Variants in PLCH2 observed in about 807,000 individuals in gnomAD.
PLCH2 encodes phospholipase C eta 2, also known as 1-phosphatidylinositol 4,5-bisphosphate phosphodiesterase eta-2.
In PLCH2, 98 loss-of-function variants were observed where a neutral mutation model predicts 134.7. The ratio of observed to expected loss-of-function variants is 0.73; its 90% CI spans 0.62 to 0.86. The LOEUF (loss-of-function observed/expected upper bound fraction) is 0.86, where lower values mean the gene tolerates loss of function less well. PLCH2 is among the 40% of genes least tolerant of loss of function. PLCH2 has a pLI of 0.00. For missense variants in PLCH2, 1,994 were observed against 1,986.6 expected, an observed-to-expected ratio of 1.00 and a Z score of -0.07; for synonymous variants, 974 against 827.5, an observed-to-expected ratio of 1.18 and a Z score of -3.04.
chr1:2,447,631 G>C (rs568439462), intron 2 of PLCH2, among the ~76,000 whole-genome samples: 2 of 152,190 alleles, frequency 1.3e-5, no homozygotes, highest in East Asian at 3.8e-4. Flanking sequence ...GAAAGGCTTG[G>C]GGGTGGGGGC....
chr1:2,481,139 G>A lies in PLCH2; in HGVS notation c.645+827G>A, dbSNP rs552766605. ...ATGCTCACAGCCTGACAGCTCCGCC[G>A]TGTCCAGCCCCTGCCAGCTCCTGCC... On this transcript the variant is annotated intron_variant, in intron 4 of 21. Transcript: ENST00000378486. Among the ~76,000 whole-genome samples, 126 of 152,014 alleles carry A rather than the reference G, an allele frequency of 8.3e-4. 1 individual carries two copies. The highest frequency in any genetic ancestry group is 2.8e-3 in the African/African-American group (116 of 41,284).
In PLCH2 at chr1:2,499,139, C is replaced by T. The variant is rs368757892; in HGVS notation, c.2490C>T (p.Ile830=). ...TLVFMVHMPE[I]ALVRFLVWDH... is the part of the protein sequence containing the mutation. ...TTTTCATGGTGCACATGCCGGAGAT[C>T]GCGCTGGTCCGCTTCCTCGTCTGGG... Residue 830 remains isoleucine, a synonymous_variant, in exon 19 of 22, where the codon ATC becomes ATT. Transcript: ENST00000378486. 22 of 1,612,842 alleles carry T rather than the reference C, an allele frequency of 1.4e-5. No homozygotes were observed. Among genetic ancestry groups the T allele is most frequent in the Middle Eastern group, 1.6e-4 (1 of 6,078 alleles).
chr1:2,504,208 C>T lies in PLCH2; in HGVS notation c.3246C>T (p.Pro1082=). ...PGSQTDGRSQ[P]RTLGHLPVIR... ...GCCAGACGGACGGCAGGAGCCAGCCCCGGACCCTGGGCCACCTGCCCGTGA... is the reference window on the plus strand; with the variant it reads ...GCCAGACGGACGGCAGGAGCCAGCCTCGGACCCTGGGCCACCTGCCCGTGA... The change falls in exon 22 of 22, where the codon CCC becomes CCT. Residue 1082 remains proline, a synonymous_variant. Coordinates refer to ENST00000378486, the MANE Select transcript of PLCH2 (RefSeq NM_014638.4). 1 of 1,557,370 alleles carries T rather than the reference C, an allele frequency of 6.4e-7. No individual in the cohort carries two copies. The highest frequency in any genetic ancestry group is 8.7e-7 in the Non-Finnish European group (1 of 1,151,958).
intron 20 of PLCH2, chr1:2,500,860 C>A (rs1378616807): frequency 3.9e-4 from 18 of 45,658 alleles, no homozygotes; most frequent in Admixed American, 1.1e-3. Context: ...CCTCAGTCCT[C>A]CCTCCCCTCC....
chr1:2,479,696 C>T (rs1641845797), intron 2 of PLCH2, 38 bp from the exon 3 acceptor site: 6 of 1,512,466 alleles, frequency 4.0e-6, no homozygotes, highest in Middle Eastern at 4.3e-4. Flanking sequence ...ACGCTGGGCC[C>T]CCGGGGACCT....
chr1:2,492,060 T>C (rs1307916041), intron 11 of PLCH2, among the ~76,000 whole-genome samples: 1 of 152,214 alleles, frequency 6.6e-6, no homozygotes, highest in African/African-American at 2.4e-5. Flanking sequence ...GGTCTCCTGG[T>C]GCCTGGAGAG....
At chr1:2,447,211 C>T (rs769077432) in intron 2 of PLCH2, among the ~76,000 whole-genome samples, 1 of 152,208 alleles carries the variant, frequency 6.6e-6, no homozygotes, top group Non-Finnish European at 1.5e-5. Flanking sequence ...AAACGAGCAA[C>T]CTGAGGGGCT....
At position 2,498,631 on chromosome 1, in the gene PLCH2, TG is replaced by T; in HGVS notation, c.2338del (p.Asp780ThrfsTer79). On this transcript the variant is annotated frameshift_variant, in exon 17 of 22. Transcript: ENST00000378486. LOFTEE classifies it high-confidence loss of function. This position sits in a 1 kb window ranked among gnomAD's most constrained non-coding sequence, Gnocchi z 5.4. The part of the protein sequence containing the change: ...QQLPKPRDSM[L>X]GDRGEIIDPF... ...CTTCCCAAGCCGCGCGACTCCATGC[TG>T]GGGGACCGTGGGGAGGTGGGGGCCA... 8.3e-7 allele frequency: 1 copy of T among 1,208,478 alleles called. No individual in the cohort carries two copies. The highest frequency in any genetic ancestry group is 1.1e-6 in the Non-Finnish European group (1 of 945,358). The allele number at this position is 1,208,478 out of a possible 1,614,324, so 74.9% of individuals were successfully genotyped here.
At chr1:2,478,748 T>C in intron 2 of PLCH2, 126 bp downstream of exon 2, 1 of 958,800 alleles carries the variant, frequency 1.0e-6, no homozygotes, top group Non-Finnish European at 1.6e-6. Context: ...ACCTCTGGGC[T>C]CAGTGGCCTT....
At chr1:2,451,969 G>C (rs1048798487) in intron 2 of PLCH2, among the ~76,000 whole-genome samples, 7 of 152,194 alleles carry the variant, frequency 4.6e-5, no homozygotes, top group Non-Finnish European at 8.8e-5. Flanking sequence ...CTTCAGAAAT[G>C]CCAACCCTGT....
Position 2,479,497 on chromosome 1 carries a change from G to C in PLCH2, c.272-237G>C, listed in dbSNP as rs1324996681. ...GAGGTGGATGCTCTCCCTCGTGGGG[G>C]CGTGTCTTTTCCACAGGAAAGGGAA... On this transcript the variant is annotated intron_variant, in intron 2 of 21. Coordinates refer to ENST00000378486, the MANE Select transcript of PLCH2 (RefSeq NM_014638.4). 1.2e-5 allele frequency: 6 copies of C among 494,320 alleles called. No homozygotes were observed. In the South Asian group the frequency reaches 1.7e-4, roughly 14 times the overall value. 30.6% of individuals were successfully genotyped at this position (494,320 alleles called of 1,614,324 possible).
chr1:2,504,614 G>A lies in PLCH2; in HGVS notation c.3652G>A (p.Glu1218Lys), dbSNP rs377200453. 9.3e-6 allele frequency: 15 copies of A among 1,612,592 alleles called. No individual in the cohort carries two copies. The highest frequency in any genetic ancestry group is 3.3e-5 in the South Asian group (3 of 91,090). ...AGGCCAGCGGCCTCCCATACCTGAC[G>A]AACTGCAGCCCAGGTCCCTGGCCCC... ...ATGQRPPIPD[E>K]LQPRSLAPRM... The change falls in exon 22 of 22, where the codon GAA becomes AAA. Residue 1218 changes from glutamate to lysine, a missense_variant. Glu to Lys is a moderately conservative substitution (Grantham distance 56). This residue lies in a region of PLCH2 where 900 missense variants were observed against 752.3 expected (regional missense o/e 1.20). Transcript: ENST00000378486.
upstream of PLCH2, among the ~76,000 whole-genome samples, chr1:2,473,360 G>A (rs576364746): frequency 2.0e-5 from 3 of 152,308 alleles, no homozygotes; most frequent in South Asian, 2.1e-4. Flanking sequence ...GATCACGGGC[G>A]CATTCCTCTG....
upstream of PLCH2, among the ~76,000 whole-genome samples, chr1:2,463,033 C>T (rs1640898145): frequency 6.6e-6 from 1 of 152,244 alleles, no homozygotes; most frequent in South Asian, 2.1e-4. Context: ...GGCTGTGTCT[C>T]TCCCAGCCGC....
intron 2 of PLCH2, among the ~76,000 whole-genome samples, chr1:2,451,197 C>T (rs1268242036): frequency 2.6e-5 from 4 of 152,270 alleles, no homozygotes; most frequent in Non-Finnish European, 4.4e-5. Context: ...AACAAGGTGC[C>T]GGGCGCTTCT....
intron 2 of PLCH2, among the ~76,000 whole-genome samples, chr1:2,435,403 C>T (rs1022433411): frequency 2.5e-4 from 38 of 152,264 alleles, no homozygotes; most frequent in African/African-American, 8.9e-4. Flanking sequence ...AGCGCTCTCA[C>T]ACCACCCTGG....
Position 2,496,297 on chromosome 1 carries a change from C to T in PLCH2, c.1836-310C>T, listed in dbSNP as rs893934277. Among the ~76,000 whole-genome samples the T allele has an allele frequency of 5.3e-5, 8 of 152,308 alleles. No individual in the cohort carries two copies. The East Asian group carries it at 7.7e-4, about 15-fold the overall frequency. On this transcript the variant is annotated intron_variant, in intron 13 of 21. Coordinates refer to ENST00000378486, the MANE Select transcript of PLCH2 (RefSeq NM_014638.4). ...GCGATTCTAGGCCAGACCCAGGCCC[C>T]GAGCCCAGCTCTCCCCTGCTCAGAA...
chr1:2,484,749 T>C, intron 5 of PLCH2, 131 bp downstream of exon 5: 1 of 988,552 alleles, frequency 1.0e-6, no homozygotes, highest in Non-Finnish European at 1.5e-6. Context: ...AGGGATGGGC[T>C]ACCTGGGCTC....
intron 8 of PLCH2, among the ~76,000 whole-genome samples, chr1:2,488,624 T>A (rs150923811): frequency 6.6e-6 from 1 of 152,192 alleles, no homozygotes; most frequent in Non-Finnish European, 1.5e-5. Flanking sequence ...AAGTAAAACA[T>A]ACACATGGTT....
Sources: gnomAD v4.1 joint callset for allele counts (sites outside exome capture counted in the v4.1 genomes callset) on GRCh38, gnomAD v4.1.1 for gene constraint, gnomAD v4.1.1 regional missense constraint, Gnocchi (gnomAD v3.1) non-coding constraint, MANE v1.5 for transcripts, NCBI Gene and HGNC (gene_info 2026-07-23, HGNC 2026-07-21) for gene names.